The following NKAIN2 variants were observed in gnomAD, a reference collection of about 807,000 sequenced individuals.
NKAIN2 encodes sodium/potassium transporting ATPase interacting 2.
NKAIN2 carries 14 observed loss-of-function variants against 32.6 expected under a neutral mutation model. The observed-to-expected ratio is 0.43, with a 90% CI of 0.28 to 0.67. The LOEUF is 0.67. Ranked by LOEUF, NKAIN2 falls within the 30% of genes least tolerant of loss-of-function variation. The probability of loss-of-function intolerance (pLI) is 0.17; values close to 1 mark genes in which losing one functional copy is unlikely to be tolerated. For synonymous variants in NKAIN2, 80 were observed against 87.2 expected (o/e 0.92, Z 0.46); for missense variants, 198 against 258.3 (o/e 0.77, Z 1.60).
intron 3 of NKAIN2, among the ~76,000 whole-genome samples, chr6:124,495,991 G>A (rs554851687): frequency 6.6e-6 from 1 of 152,240 alleles, no homozygotes; most frequent in South Asian, 2.1e-4. Context: ...AGTTTGACAA[G>A]TCTCTCTGCA....
intron 3 of NKAIN2, among the ~76,000 whole-genome samples, chr6:124,366,207 A>C (rs1440180189): frequency 6.6e-6 from 1 of 152,092 alleles, no homozygotes; most frequent in Admixed American, 6.6e-5. Flanking sequence ...TGTTTATAAA[A>C]TTGAGGGGAT....
chr6:124,121,815 G>A (rs1296299110), intron 1 of NKAIN2: 4 of 400,164 alleles, frequency 1.0e-5, no homozygotes, highest in Admixed American at 8.4e-5. Flanking sequence ...GAATTAGTTG[G>A]GGTTGCCTTT....
intron 4 of NKAIN2, among the ~76,000 whole-genome samples, chr6:124,682,722 A>C (rs1231563331): frequency 3.3e-5 from 5 of 152,206 alleles, no homozygotes; most frequent in Admixed American, 3.3e-4. Flanking sequence ...AATGCTCTCC[A>C]ATATTAAGAT....
chr6:124,512,115 C>G (rs1482654587), intron 3 of NKAIN2, among the ~76,000 whole-genome samples: 1 of 152,148 alleles, frequency 6.6e-6, no homozygotes, highest in Non-Finnish European at 1.5e-5. Flanking sequence ...TTGGCTAACA[C>G]AGTTACATAA....
intron 3 of NKAIN2, among the ~76,000 whole-genome samples, chr6:124,407,981 G>C (rs915302692): frequency 5.3e-5 from 8 of 152,116 alleles, no homozygotes; most frequent in African/African-American, 1.7e-4. Context: ...TTTTTTGGCT[G>C]CATAAATGTC....
chr6:124,339,352 A>AAAC (rs530143907), intron 2 of NKAIN2, among the ~76,000 whole-genome samples: 28 of 152,192 alleles, frequency 1.8e-4, no homozygotes, highest in African/African-American at 5.8e-4. Flanking sequence ...TCAAACAAAC[A>AAAC]AACAACAACA....
chr6:124,186,194 G>T (rs1393653302), intron 1 of NKAIN2, among the ~76,000 whole-genome samples: 21 of 145,676 alleles, frequency 1.4e-4, no homozygotes, highest in Admixed American at 1.2e-3. Flanking sequence ...AGGAAGGAAG[G>T]AAGGAAAGAA....
At chr6:124,045,879 T>C (rs529988538) in intron 1 of NKAIN2, among the ~76,000 whole-genome samples, 8 of 152,144 alleles carry the variant, frequency 5.3e-5, no homozygotes, top group African/African-American at 1.9e-4. Flanking sequence ...AGGGGCATGT[T>C]TGAGTTTAAA....
intron 1 of NKAIN2, among the ~76,000 whole-genome samples, chr6:124,244,728 T>C (rs1182515642): frequency 6.6e-6 from 1 of 152,042 alleles, no homozygotes; most frequent in Non-Finnish European, 1.5e-5. Context: ...CCTTCTTACT[T>C]TTGTTTTCTG....
At position 124,277,428 on chromosome 6, in the gene NKAIN2, CGTGTGT is replaced by C. The variant is rs56300244; in HGVS notation, c.55-5552_55-5547del. On this transcript the variant is annotated intron_variant, in intron 1 of 6. Transcript: ENST00000368417. Reference sequence around the variant, plus strand: ...TCCCTAGTAGTATGTGTCTGTGTGTCGTGTGTGTGTGTGTGTGTGTGTGTGTGTGTA... The same window carrying C: ...TCCCTAGTAGTATGTGTCTGTGTGTCGTGTGTGTGTGTGTGTGTGTGTGTA... Among the ~76,000 whole-genome samples, 1,398 of 145,292 alleles carry C rather than the reference CGTGTGT, an allele frequency of 9.6e-3. 25 individuals carry two copies. The highest frequency in any genetic ancestry group is 0.033 in the African/African-American group (1,317 of 40,514).
At position 124,730,120 on chromosome 6, in the gene NKAIN2, A is replaced by T. The variant is rs190935299; in HGVS notation, c.475-61219A>T. Among the ~76,000 whole-genome samples, 58 of 92,054 alleles carry T rather than the reference A, an allele frequency of 6.3e-4. 24 individuals carry two copies. Among genetic ancestry groups the T allele is most frequent in the African/African-American group, 2.5e-3 (58 of 23,592 alleles). The allele number at this position is 92,054 out of a possible 152,430, so 60.4% of individuals were successfully genotyped here. A position where few individuals can be genotyped will look rare whatever the true frequency, so the allele number is the denominator to read the frequency against. Reference sequence around the variant, plus strand: ...GAGCAGGAAGAATCAATATCGTGAAAATGGCCATACTTCCCAAGGTAATTT... The same window carrying T: ...GAGCAGGAAGAATCAATATCGTGAATATGGCCATACTTCCCAAGGTAATTT... On this transcript the variant is annotated intron_variant, in intron 4 of 6. Transcript: ENST00000368417.
intron 1 of NKAIN2, among the ~76,000 whole-genome samples, chr6:123,937,000 A>G (rs1776541518): frequency 6.6e-6 from 1 of 152,078 alleles, no homozygotes; most frequent in Admixed American, 6.6e-5. Context: ...TAGAGAAAAA[A>G]CAATCAGGTC....
chr6:124,214,085 A>G (rs904656379), intron 1 of NKAIN2, among the ~76,000 whole-genome samples: 2 of 152,218 alleles, frequency 1.3e-5, no homozygotes, highest in Non-Finnish European at 2.9e-5. Flanking sequence ...TTCAATGTAG[A>G]CAATAGACAA....
chr6:124,366,884 T>C (rs939563197), intron 3 of NKAIN2, among the ~76,000 whole-genome samples: 3 of 149,976 alleles, frequency 2.0e-5, no homozygotes, highest in Non-Finnish European at 4.4e-5. Context: ...GCTGAGATCG[T>C]GCCACTGCAC....
Position 123,863,044 on chromosome 6 carries a change from G to A in NKAIN2, c.54+58790G>A, listed in dbSNP as rs111805953. On this transcript the variant is annotated intron_variant, in intron 1 of 6. Transcript: ENST00000368417. ...TTATTAGACCTGTAGGATTCTCTAG[G>A]TGTAAAGATCACAATATTCAGAGCA... 6.9e-3 allele frequency among the ~76,000 whole-genome samples: 1,045 copies of A among 152,246 alleles called. 13 individuals carry two copies. Among genetic ancestry groups the A allele is most frequent in the African/African-American group, 0.024 (990 of 41,540 alleles).
At chr6:124,019,157 A>G (rs776582868) in intron 1 of NKAIN2, among the ~76,000 whole-genome samples, 12 of 152,088 alleles carry the variant, frequency 7.9e-5, no homozygotes, top group Non-Finnish European at 1.0e-4. Context: ...ACATGATTCA[A>G]TTACCTCCCA....
chr6:124,647,315 G>A (rs1784210015), intron 3 of NKAIN2, among the ~76,000 whole-genome samples: 2 of 151,678 alleles, frequency 1.3e-5, no homozygotes, highest in African/African-American at 2.4e-5. Flanking sequence ...GGAAGGCTGA[G>A]GCAGGCAGAC....
chr6:123,983,630 A>G (rs894627067), intron 1 of NKAIN2, among the ~76,000 whole-genome samples: 1 of 152,080 alleles, frequency 6.6e-6, no homozygotes, highest in African/African-American at 2.4e-5. Context: ...AATACCCACT[A>G]TTTCCACACT....
chr6:124,070,581 C>A (rs1395563181), intron 1 of NKAIN2, among the ~76,000 whole-genome samples: 1 of 152,112 alleles, frequency 6.6e-6, no homozygotes, highest in East Asian at 1.9e-4. Flanking sequence ...TAGACTTGGA[C>A]AACATTCTGG....
Sources: allele counts gnomAD v4.1 joint callset (sites outside exome capture counted in the v4.1 genomes callset), GRCh38; gene constraint gnomAD v4.1.1; transcripts MANE v1.5; gene names NCBI Gene and HGNC (gene_info 2026-07-23, HGNC 2026-07-21).